Variants in ERBB4 observed in about 807,000 individuals in gnomAD.
ERBB4 encodes the protein receptor tyrosine-protein kinase erbB-4.
ERBB4 carries 42 observed loss-of-function variants against 158.0 expected under a neutral mutation model. That is an observed-to-expected ratio of 0.27 (90% CI 0.21 to 0.34). The LOEUF (loss-of-function observed/expected upper bound fraction) is 0.34, where lower values mean the gene tolerates loss of function less well. Ranked by LOEUF, ERBB4 falls within the 10% of genes least tolerant of loss-of-function variation. The pLI is 1.00. For missense variants in ERBB4, 1,333 were observed against 1,624.1 expected, an observed-to-expected ratio of 0.82 and a Z score of 3.08; for synonymous variants, 583 against 558.7, an observed-to-expected ratio of 1.04 and a Z score of -0.61.
chr2:211,637,867 A>G (rs2125887804), intron 16 of ERBB4, among the ~76,000 whole-genome samples: 1 of 152,064 alleles, frequency 6.6e-6, no homozygotes, highest in African/African-American at 2.4e-5. Flanking sequence ...CTCTTTCTAA[A>G]GATGATATAT....
intron 20 of ERBB4, among the ~76,000 whole-genome samples, chr2:211,476,690 A>C (rs2064962501): frequency 6.6e-6 from 1 of 152,114 alleles, no homozygotes; most frequent in African/African-American, 2.4e-5. Flanking sequence ...ATGTTGAATA[A>C]TGGAAGCGAT....
intron 4 of ERBB4, among the ~76,000 whole-genome samples, chr2:211,766,024 T>C (rs2075541951): frequency 6.6e-6 from 1 of 152,182 alleles, no homozygotes; most frequent in Admixed American, 6.5e-5. Flanking sequence ...TTTGATGACT[T>C]TTCCTTTGTG....
chr2:211,475,946 C>A (rs186328848), intron 20 of ERBB4, among the ~76,000 whole-genome samples: 8 of 152,002 alleles, frequency 5.3e-5, no homozygotes, highest in Non-Finnish European at 1.2e-4. Flanking sequence ...AACAAAATAA[C>A]TACACGATCA....
intron 5 of ERBB4, among the ~76,000 whole-genome samples, chr2:211,746,868 G>T (rs1270435267): frequency 1.3e-5 from 2 of 148,368 alleles, no homozygotes; most frequent in Non-Finnish European, 3.0e-5. Flanking sequence ...AAATATACTA[G>T]AAGAACATCG....
rs748586400 is a variant in ERBB4 at position 212,286,767 on chromosome 2, A to ATTTTTTTTTTTTTTTTTTTTT, written c.83-161885_83-161865dup. Reference sequence around the variant, plus strand: ...TAGGCGGGTGGCACCATGAGGGTTAATTTTTTTTTTTTTTTTTTTTTTTGT... The same window carrying ATTTTTTTTTTTTTTTTTTTTT: ...TAGGCGGGTGGCACCATGAGGGTTAATTTTTTTTTTTTTTTTTTTTTTTTTTTTTTTTTTTTTTTTTTTTGT... On this transcript the variant is annotated intron_variant, in intron 1 of 27. Transcript: ENST00000342788. Among the ~76,000 whole-genome samples the ATTTTTTTTTTTTTTTTTTTTT allele has an allele frequency of 6.1e-4, 24 of 39,558 alleles. 5 individuals carry two copies. The highest frequency in any genetic ancestry group is 1.4e-3 in the Admixed American group (3 of 2,082). 26.0% of individuals were successfully genotyped at this position (39,558 alleles called of 152,430 possible).
chr2:211,755,471 C>T (rs1225024191), intron 4 of ERBB4, among the ~76,000 whole-genome samples: 3 of 152,216 alleles, frequency 2.0e-5, no homozygotes, highest in Non-Finnish European at 2.9e-5. Context: ...CACTGCACTC[C>T]AGCCTGGGCG....
intron 25 of ERBB4, among the ~76,000 whole-genome samples, chr2:211,395,741 A>G (rs1367821657): frequency 2.0e-5 from 3 of 152,080 alleles, no homozygotes; most frequent in African/African-American, 7.2e-5. Context: ...TTAAAATGGT[A>G]CTTTGTCTAC....
At chr2:211,904,972 G>C (rs1337250620) in intron 3 of ERBB4, among the ~76,000 whole-genome samples, 1 of 152,124 alleles carries the variant, frequency 6.6e-6, no homozygotes, top group Non-Finnish European at 1.5e-5. Context: ...ACATAGCTGA[G>C]AGAATATCCA....
At chr2:212,411,746 T>A (rs1358609330) in intron 1 of ERBB4, among the ~76,000 whole-genome samples, 1 of 152,142 alleles carries the variant, frequency 6.6e-6, no homozygotes, top group Non-Finnish European at 1.5e-5. Flanking sequence ...GCACCTTTGG[T>A]TGAGATATTT....
intron 19 of ERBB4, among the ~76,000 whole-genome samples, chr2:211,568,001 G>A (rs2067602468): frequency 6.6e-6 from 1 of 152,170 alleles, no homozygotes; most frequent in East Asian, 1.9e-4. Flanking sequence ...GGGACCTATG[G>A]AGGCAATTTT....
At chr2:211,861,155 T>TATATATA (rs1491478255) in intron 3 of ERBB4, among the ~76,000 whole-genome samples, 5 of 49,346 alleles carry the variant, frequency 1.0e-4, no homozygotes, top group African/African-American at 3.3e-4. Flanking sequence ...TATATATATA[T>TATATATA]TAAAAAAAAG....
intron 5 of ERBB4, among the ~76,000 whole-genome samples, chr2:211,735,753 G>T (rs1035236698): frequency 6.6e-6 from 1 of 152,036 alleles, no homozygotes; most frequent in African/African-American, 2.4e-5. Context: ...GAGACCTTTT[G>T]AGGAAACCAT....
intron 5 of ERBB4, among the ~76,000 whole-genome samples, chr2:211,731,088 C>T (rs2074413362): frequency 6.6e-6 from 1 of 151,948 alleles, no homozygotes; most frequent in South Asian, 2.1e-4. Context: ...CCTATATTTT[C>T]GATGGAAATA....
chr2:212,411,618 T>C (rs564959788), intron 1 of ERBB4, among the ~76,000 whole-genome samples: 37 of 152,258 alleles, frequency 2.4e-4, no homozygotes, highest in African/African-American at 8.7e-4. Context: ...GAAAAGTTAC[T>C]TGATTGGTGA....
intron 3 of ERBB4, among the ~76,000 whole-genome samples, chr2:211,937,851 CAT>C (rs1019686864): frequency 2.6e-5 from 4 of 152,146 alleles, no homozygotes; most frequent in African/African-American, 9.7e-5. Context: ...ACAGCCAAAC[CAT>C]ATCTCTTTGA....
intron 1 of ERBB4, among the ~76,000 whole-genome samples, chr2:212,241,721 T>C (rs936322876): frequency 2.0e-5 from 3 of 152,182 alleles, no homozygotes; most frequent in African/African-American, 7.2e-5. Flanking sequence ...AGTAATTTTA[T>C]TGCTTTGGTA....
intron 1 of ERBB4, among the ~76,000 whole-genome samples, chr2:212,378,256 G>T (rs1343988782): frequency 6.6e-6 from 1 of 151,810 alleles, no homozygotes; most frequent in Non-Finnish European, 1.5e-5. Context: ...CAGAAGAGCT[G>T]CTTTGAACAG....
intron 1 of ERBB4, among the ~76,000 whole-genome samples, chr2:212,143,240 T>A (rs1420020299): frequency 6.6e-6 from 1 of 152,224 alleles, no homozygotes; most frequent in African/African-American, 2.4e-5. Flanking sequence ...TCATGCTTGC[T>A]TAAATATATT....
At chr2:211,519,359 T>C (rs2066128908) in intron 20 of ERBB4, among the ~76,000 whole-genome samples, 1 of 152,116 alleles carries the variant, frequency 6.6e-6, no homozygotes, top group Non-Finnish European at 1.5e-5. Context: ...TGTTTAAAGT[T>C]GTAGATCAAA....
Sources: allele counts gnomAD v4.1 joint callset (sites outside exome capture counted in the v4.1 genomes callset), GRCh38; gene constraint gnomAD v4.1.1; transcripts MANE v1.5; gene names NCBI Gene and HGNC (gene_info 2026-07-23, HGNC 2026-07-21).